Variants in DYNC2H1 observed in about 807,000 individuals in gnomAD.
The protein encoded by DYNC2H1 is dynein cytoplasmic 2 heavy chain 1, also known as cytoplasmic dynein 2 heavy chain 1.
Under a neutral mutation model 570.0 loss-of-function variants are expected in DYNC2H1, and 410 were observed. The ratio of observed to expected loss-of-function variants is 0.72; its 90% CI spans 0.66 to 0.78. DYNC2H1 has a LOEUF of 0.78. Among genes scored for constraint, DYNC2H1 ranks in the 30% least tolerant of loss-of-function variants. The pLI is 0.00. For missense variants in DYNC2H1, 4,865 were observed against 5,046.4 expected, an observed-to-expected ratio of 0.96 and a Z score of 1.09; for synonymous variants, 1,688 against 1,677.6, an observed-to-expected ratio of 1.01 and a Z score of -0.15.
At chr11:103,278,864 G>A (rs1299449658) in intron 70 of DYNC2H1, among the ~76,000 whole-genome samples, 1 of 152,186 alleles carries the variant, frequency 6.6e-6, no homozygotes, top group Non-Finnish European at 1.5e-5. Flanking sequence ...ACCATGCCTG[G>A]CCCTGTGTGG....
At chr11:103,147,745 C>A (rs1860312714) in intron 18 of DYNC2H1, 27 bp from the exon 19 acceptor site, 2 of 1,420,504 alleles carry the variant, frequency 1.4e-6, no homozygotes, top group East Asian at 2.3e-5. Flanking sequence ...TTTTCCATGT[C>A]AAAATATGTC....
At chr11:103,140,066 T>C (rs1859817136) in intron 17 of DYNC2H1, among the ~76,000 whole-genome samples, 1 of 152,186 alleles carries the variant, frequency 6.6e-6, no homozygotes, top group Admixed American at 6.5e-5. Context: ...TCCATTTGCT[T>C]GGTAGATCTT....
intron 83 of DYNC2H1, among the ~76,000 whole-genome samples, chr11:103,378,044 G>T (rs920482391): frequency 1.3e-5 from 2 of 152,166 alleles, no homozygotes; most frequent in Non-Finnish European, 2.9e-5. Context: ...GCTGAAGGCT[G>T]CTTTTTACAT....
In DYNC2H1 at chr11:103,274,135, T is replaced by C. The variant is rs78585979; in HGVS notation, c.10696-6213T>C. 1.6e-4 allele frequency among the ~76,000 whole-genome samples: 20 copies of C among 126,450 alleles called. No individual in the cohort carries two copies. The East Asian group carries it at 3.9e-3, about 25-fold the overall frequency. The allele number at this position is 126,450 out of a possible 152,430, so 83.0% of individuals were successfully genotyped here. Reference sequence around the variant, plus strand: ...GTGTACATTTGTTTGTGTGTGTGTGTATATATATATATACACACACATATA... The same window carrying C: ...GTGTACATTTGTTTGTGTGTGTGTGCATATATATATATACACACACATATA... On this transcript the variant is annotated intron_variant, in intron 70 of 88. Coordinates refer to ENST00000375735, the MANE Select transcript of DYNC2H1 (RefSeq NM_001377.3).
At chr11:103,291,784 A>T (rs4534544) in intron 75 of DYNC2H1, among the ~76,000 whole-genome samples, 5,271 of 152,186 alleles carry the variant, frequency 0.035, 316 homozygotes, top group African/African-American at 0.12. Context: ...TGCTGAATTG[A>T]CTTCTTTATC....
At chr11:103,441,139 C>G (rs999685992) in intron 85 of DYNC2H1, among the ~76,000 whole-genome samples, 1 of 152,034 alleles carries the variant, frequency 6.6e-6, no homozygotes, top group Non-Finnish European at 1.5e-5. Flanking sequence ...AGTTTTCTAC[C>G]TCATTTACTC....
chr11:103,416,905 A>C (rs1344501913), intron 84 of DYNC2H1, among the ~76,000 whole-genome samples: 1 of 152,220 alleles, frequency 6.6e-6, no homozygotes, highest in Non-Finnish European at 1.5e-5. Flanking sequence ...AATATCCAGA[A>C]TCTACAAGGA....
chr11:103,212,789 A>G (rs1057049308), intron 54 of DYNC2H1, among the ~76,000 whole-genome samples: 2 of 152,094 alleles, frequency 1.3e-5, no homozygotes, highest in South Asian at 4.2e-4. Flanking sequence ...CATTTATATT[A>G]AGGTACTAAC....
rs549261794 is a variant in DYNC2H1, at chr11:103,211,329, C to T, written c.8540-460C>T. Among the ~76,000 whole-genome samples the T allele has an allele frequency of 2.0e-5, 3 of 152,080 alleles. 1 individual carries two copies. The South Asian group carries it at 6.2e-4, about 32-fold the overall frequency. On this transcript the variant is annotated intron_variant, in intron 53 of 88. Transcript: ENST00000375735. ...GTGTTTGATCATGGATATATTGAAT[C>T]TAGTGTGAACTTATTCTTAACTTTT...
chr11:103,394,531 A>G (rs1326336295), intron 83 of DYNC2H1, among the ~76,000 whole-genome samples: 1 of 152,048 alleles, frequency 6.6e-6, no homozygotes, highest in Admixed American at 6.6e-5. Context: ...AGGGAGGCTC[A>G]ATACCAAGAG....
chr11:103,392,254 T>C (rs1310224121), intron 83 of DYNC2H1, among the ~76,000 whole-genome samples: 2 of 152,204 alleles, frequency 1.3e-5, no homozygotes, highest in African/African-American at 4.8e-5. Flanking sequence ...CAGACTGCTG[T>C]GCTAGCAATG....
intron 65 of DYNC2H1, among the ~76,000 whole-genome samples, chr11:103,249,000 A>G (rs1464343470): frequency 2.0e-5 from 3 of 152,060 alleles, no homozygotes. Context: ...TACCTTGCCC[A>G]ATCATGCTGT....
intron 17 of DYNC2H1, among the ~76,000 whole-genome samples, chr11:103,137,813 T>G (rs1156397621): frequency 1.3e-5 from 2 of 152,088 alleles, no homozygotes; most frequent in East Asian, 3.9e-4. Flanking sequence ...TAAATTACCT[T>G]GGGCAGTATG....
At chr11:103,458,867 C>T (rs1944891215) in intron 87 of DYNC2H1, among the ~76,000 whole-genome samples, 1 of 152,038 alleles carries the variant, frequency 6.6e-6, no homozygotes, top group Admixed American at 6.5e-5. Flanking sequence ...CATTTTTTTC[C>T]AGTTAAAAAC....
intron 54 of DYNC2H1, among the ~76,000 whole-genome samples, chr11:103,215,274 G>A (rs1041948305): frequency 5.9e-5 from 9 of 152,088 alleles, no homozygotes; most frequent in African/African-American, 2.2e-4. Context: ...AGTGTGATGT[G>A]GGCAGAGGGT....
At chr11:103,429,318 G>A (rs1487649862) in intron 84 of DYNC2H1, among the ~76,000 whole-genome samples, 1 of 151,956 alleles carries the variant, frequency 6.6e-6, no homozygotes, top group East Asian at 1.9e-4. Context: ...GCAAGTAATA[G>A]AAGATCCTCT....
chr11:103,159,084 C>T, intron 28 of DYNC2H1, 57 bp downstream of exon 28: 1 of 1,374,826 alleles, frequency 7.3e-7, no homozygotes, highest in South Asian at 1.2e-5. Context: ...TCTGCCAGGC[C>T]TAATATTATG....
At chr11:103,155,279 A>C in intron 24 of DYNC2H1, 52 bp from the exon 25 acceptor site, 1 of 1,478,978 alleles carries the variant, frequency 6.8e-7, no homozygotes, top group Non-Finnish European at 9.0e-7. Flanking sequence ...CATTTTGCTA[A>C]TATATGTATA....
chr11:103,448,998 TTG>T (rs1182494491), intron 85 of DYNC2H1, among the ~76,000 whole-genome samples: 1 of 152,170 alleles, frequency 6.6e-6, no homozygotes, highest in Admixed American at 6.5e-5. Flanking sequence ...TAAAAATTTG[TTG>T]TGTTAAAACT....
Sources: gnomAD v4.1 joint callset for allele counts (sites outside exome capture counted in the v4.1 genomes callset) on GRCh38, gnomAD v4.1.1 for gene constraint, MANE v1.5 for transcripts, NCBI Gene and HGNC (gene_info 2026-07-23, HGNC 2026-07-21) for gene names.